GPC6: variants seen among roughly 807,000 people sequenced by gnomAD.
GPC6 encodes glypican-6.
In GPC6, 14 loss-of-function variants were observed where a neutral mutation model predicts 55.2. The ratio of observed to expected loss-of-function variants is 0.25; its 90% CI spans 0.17 to 0.40. The LOEUF is 0.40. Among genes scored for constraint, GPC6 ranks in the 10% least tolerant of loss-of-function variants. GPC6 has a pLI of 1.00. For missense variants in GPC6, 641 were observed against 708.5 expected (o/e 0.90, Z 1.08); for synonymous variants, 278 against 259.6 (o/e 1.07, Z -0.68).
At chr13:93,317,545 G>A (rs1255549522) in intron 1 of GPC6, among the ~76,000 whole-genome samples, 2 of 152,040 alleles carry the variant, frequency 1.3e-5, no homozygotes, top group Non-Finnish European at 2.9e-5. Flanking sequence ...AATGAGATAT[G>A]CTTTTCTGTT....
Position 93,227,108 on chromosome 13 carries a change from C to T in GPC6, c.-349C>T. 1 of 178,976 alleles carries T rather than the reference C, an allele frequency of 5.6e-6. No individual in the cohort carries two copies. Among genetic ancestry groups the T allele is most frequent in the Non-Finnish European group, 1.2e-5 (1 of 85,322 alleles). The allele number at this position is 178,976 out of a possible 1,614,324, so 11.1% of individuals were successfully genotyped here. ...GAGCCCGCAGCGCTCCAGGATTCTG[C>T]GGCTCGGAACTCGGATTGCAGCTCT... On this transcript the variant is annotated 5_prime_UTR_variant, in exon 1 of 9. Coordinates refer to ENST00000377047, the MANE Select transcript of GPC6 (RefSeq NM_005708.5). The surrounding 1 kb of genome is among the most constrained non-coding windows in gnomAD (Gnocchi z 4.3).
At chr13:93,510,543 A>G (rs1455220473) in intron 1 of GPC6, among the ~76,000 whole-genome samples, 1 of 152,078 alleles carries the variant, frequency 6.6e-6, no homozygotes, top group Non-Finnish European at 1.5e-5. Flanking sequence ...TATATATACC[A>G]CATTTTCTTC....
chr13:93,365,589 C>T (rs900759752), intron 1 of GPC6, among the ~76,000 whole-genome samples: 3 of 152,066 alleles, frequency 2.0e-5, no homozygotes, highest in African/African-American at 7.2e-5. Flanking sequence ...AGTAGTGTCA[C>T]ATTTGTTAAT....
At chr13:94,040,933 G>A (rs1594688376) in intron 4 of GPC6, among the ~76,000 whole-genome samples, 1 of 151,808 alleles carries the variant, frequency 6.6e-6, no homozygotes, top group South Asian at 2.1e-4. Flanking sequence ...TGATTTACAT[G>A]TGGAATTGAT....
chr13:93,435,598 C>G (rs116695184), intron 1 of GPC6, among the ~76,000 whole-genome samples: 5,338 of 152,090 alleles, frequency 0.035, 307 homozygotes, highest in African/African-American at 0.12. Flanking sequence ...ACGAAAGAAA[C>G]CAATTTCTCC....
intron 1 of GPC6, among the ~76,000 whole-genome samples, chr13:93,506,626 G>A (rs1880724284): frequency 6.6e-6 from 1 of 152,032 alleles, no homozygotes; most frequent in Non-Finnish European, 1.5e-5. Context: ...TCTTATAATT[G>A]AGGCTCTAAG....
intron 3 of GPC6, among the ~76,000 whole-genome samples, chr13:93,941,331 T>C (rs1878726428): frequency 6.6e-6 from 1 of 152,218 alleles, no homozygotes; most frequent in Non-Finnish European, 1.5e-5. Context: ...AGTAAAATGC[T>C]GTGCATGGTA....
chr13:94,239,220 T>G (rs1030139369), intron 4 of GPC6, among the ~76,000 whole-genome samples: 1 of 152,136 alleles, frequency 6.6e-6, no homozygotes, highest in Non-Finnish European at 1.5e-5. Context: ...TGATGATCAA[T>G]TAAGCAAACT....
chr13:94,388,306 T>A (rs890449862), intron 7 of GPC6, among the ~76,000 whole-genome samples: 7 of 152,190 alleles, frequency 4.6e-5, no homozygotes, highest in African/African-American at 1.7e-4. Context: ...GGGCTTTTCT[T>A]ATATTAAAAA....
intron 1 of GPC6, among the ~76,000 whole-genome samples, chr13:93,431,097 T>C (rs1227987653): frequency 6.6e-6 from 1 of 152,102 alleles, no homozygotes; most frequent in Non-Finnish European, 1.5e-5. Flanking sequence ...GTTTATTGAA[T>C]CCAGGAAACT....
At chr13:93,462,645 A>G (rs959684809) in intron 1 of GPC6, among the ~76,000 whole-genome samples, 7 of 152,190 alleles carry the variant, frequency 4.6e-5, no homozygotes, top group Non-Finnish European at 1.0e-4. Context: ...ATTGAAAAAA[A>G]AAACAACTAA....
chr13:94,000,849 C>A (rs1881764898), intron 3 of GPC6, among the ~76,000 whole-genome samples: 1 of 152,138 alleles, frequency 6.6e-6, no homozygotes, highest in Non-Finnish European at 1.5e-5. Flanking sequence ...GTTCACAATG[C>A]ACATCAAGAT....
chr13:93,648,174 A>G (rs1376438222), intron 2 of GPC6, among the ~76,000 whole-genome samples: 1 of 152,084 alleles, frequency 6.6e-6, no homozygotes, highest in Non-Finnish European at 1.5e-5. Context: ...TAATTGGATG[A>G]TTTCCCTCTC....
intron 2 of GPC6, among the ~76,000 whole-genome samples, chr13:93,697,006 T>C (rs1882484011): frequency 6.6e-6 from 1 of 152,142 alleles, no homozygotes; most frequent in South Asian, 2.1e-4. Context: ...CTTCCTGCTG[T>C]ATAGCCCAAG....
intron 2 of GPC6, among the ~76,000 whole-genome samples, chr13:93,727,352 A>C (rs367987086): frequency 9.9e-5 from 15 of 152,242 alleles, no homozygotes; most frequent in African/African-American, 3.6e-4. Flanking sequence ...TAATTCTTCT[A>C]TAGATTTGAT....
intron 2 of GPC6, among the ~76,000 whole-genome samples, chr13:93,729,668 C>T (rs1008847750): frequency 9.2e-5 from 14 of 152,144 alleles, no homozygotes; most frequent in Admixed American, 2.6e-4. Flanking sequence ...ACAGGATCTA[C>T]TAAAGCTAAA....
At chr13:93,383,828 G>A (rs1179863948) in intron 1 of GPC6, among the ~76,000 whole-genome samples, 2 of 151,622 alleles carry the variant, frequency 1.3e-5, no homozygotes, top group East Asian at 3.9e-4. Context: ...CTATTTAATT[G>A]TGCTAAATGT....
chr13:93,521,306 T>C (rs961150649), intron 1 of GPC6, among the ~76,000 whole-genome samples: 5 of 150,728 alleles, frequency 3.3e-5, no homozygotes, highest in Non-Finnish European at 7.4e-5. Flanking sequence ...TTTTCTTTTC[T>C]TTTTTTTTAG....
intron 1 of GPC6, among the ~76,000 whole-genome samples, chr13:93,265,681 G>T (rs926030285): frequency 6.2e-4 from 94 of 152,166 alleles, no homozygotes; most frequent in African/African-American, 2.2e-3. Context: ...TTACACTGGT[G>T]TATGTGTATA....
Sources: allele counts gnomAD v4.1 joint callset (sites outside exome capture counted in the v4.1 genomes callset), GRCh38; gene constraint gnomAD v4.1.1; non-coding constraint Gnocchi (gnomAD v3.1); transcripts MANE v1.5; gene names NCBI Gene and HGNC (gene_info 2026-07-23, HGNC 2026-07-21).